Variants in GSAP observed in about 807,000 individuals in gnomAD.
GSAP encodes gamma-secretase-activating protein.
In GSAP, 118 loss-of-function variants were observed where a neutral mutation model predicts 131.7. The observed-to-expected ratio is 0.90, with a 90% CI of 0.77 to 1.04. The LOEUF (loss-of-function observed/expected upper bound fraction) is 1.04. GSAP is among the 50% of genes least tolerant of loss of function. The pLI is 0.00. For synonymous variants in GSAP, 381 were observed against 363.4 expected (o/e 1.05, Z -0.55); for missense variants, 1,019 against 1,013.2 (o/e 1.01, Z -0.08).
intron 6 of GSAP, among the ~76,000 whole-genome samples, chr7:77,383,178 C>T (rs1298028253): frequency 6.6e-6 from 1 of 152,102 alleles, no homozygotes; most frequent in East Asian, 1.9e-4. Flanking sequence ...TAGAGCAAGA[C>T]TCTGTCTAAA....
chr7:77,403,585 G>A (rs1801752211), intron 3 of GSAP, among the ~76,000 whole-genome samples: 1 of 152,176 alleles, frequency 6.6e-6, no homozygotes, highest in African/African-American at 2.4e-5. Context: ...AATAAGGAAA[G>A]GGGTTCCTTG....
intron 12 of GSAP, among the ~76,000 whole-genome samples, chr7:77,366,968 TTTA>T (rs1304448062): frequency 3.3e-5 from 5 of 152,188 alleles, no homozygotes; most frequent in Non-Finnish European, 4.4e-5. Context: ...TCCTAGGTAT[TTTA>T]TTCTTTCTGT....
At chr7:77,376,532 T>C (rs931553825) in intron 10 of GSAP, among the ~76,000 whole-genome samples, 1 of 151,992 alleles carries the variant, frequency 6.6e-6, no homozygotes, top group African/African-American at 2.4e-5. Context: ...TCCCAGCCCT[T>C]TGGGAGGCCG....
At chr7:77,313,110 C>T (rs1225622349) in intron 28 of GSAP, among the ~76,000 whole-genome samples, 1 of 152,222 alleles carries the variant, frequency 6.6e-6, no homozygotes, top group Non-Finnish European at 1.5e-5. Flanking sequence ...AAATACAGGT[C>T]TAGAACCTTC....
intron 19 of GSAP, among the ~76,000 whole-genome samples, chr7:77,346,701 C>T (rs570491691): frequency 6.7e-6 from 1 of 149,646 alleles, no homozygotes; most frequent in Admixed American, 6.7e-5. Flanking sequence ...CAGAGTGAGA[C>T]CCTACCTCAA....
intron 18 of GSAP, among the ~76,000 whole-genome samples, chr7:77,352,238 T>C (rs2150847533): frequency 6.6e-6 from 1 of 152,372 alleles, no homozygotes; most frequent in Non-Finnish European, 1.5e-5. Flanking sequence ...TTTATTTTTC[T>C]AAGTACCTTT....
chr7:77,373,727 G>A (rs1227768160), intron 12 of GSAP, among the ~76,000 whole-genome samples: 2 of 152,222 alleles, frequency 1.3e-5, no homozygotes, highest in Non-Finnish European at 2.9e-5. Context: ...ACATCAGTAA[G>A]CCTGACACAG....
At chr7:77,315,047 G>A (rs1794823382) in intron 26 of GSAP, 1 of 152,658 alleles carries the variant, frequency 6.6e-6, no homozygotes, top group African/African-American at 2.4e-5. Flanking sequence ...GCATTCTCAA[G>A]CCTGTCTCAC....
chr7:77,326,215 C>A lies in GSAP; in HGVS notation c.1824G>T (p.Gly608=). The A allele has an allele frequency of 6.2e-7, 1 of 1,611,474 alleles. No individual in the cohort carries two copies. Among genetic ancestry groups the A allele is most frequent in the Non-Finnish European group, 8.5e-7 (1 of 1,178,128 alleles). The part of the protein sequence containing the change: ...EEDSHQRLLM[G]LMVSELKDHF... ...AAAGAACCCACGTACCACTTACCAG[C>A]CCCATGAGCAGCCGCTGGTGGCTGT... Residue 608 remains glycine, a synonymous_variant, in exon 23 of 31, where the codon GGG becomes GGT. Transcript: ENST00000257626.
chr7:77,318,048 G>C (rs899277672), intron 26 of GSAP, among the ~76,000 whole-genome samples: 6 of 152,158 alleles, frequency 3.9e-5, no homozygotes, highest in African/African-American at 1.4e-4. Flanking sequence ...ATGCTGTAGG[G>C]ATTCTTTAGG....
chr7:77,411,770 A>T (rs1803324305), intron 1 of GSAP, among the ~76,000 whole-genome samples: 2 of 152,268 alleles, frequency 1.3e-5, no homozygotes, highest in East Asian at 1.9e-4. Flanking sequence ...CAGATTCAAA[A>T]ATATATATAT....
chr7:77,314,229 G>T, intron 27 of GSAP, 141 bp downstream of exon 27: 1 of 757,338 alleles, frequency 1.3e-6, no homozygotes, highest in Admixed American at 2.5e-5. Context: ...ATTTCAAGAT[G>T]TAATGCAGCA....
intron 18 of GSAP, among the ~76,000 whole-genome samples, chr7:77,351,856 G>A (rs1792910057): frequency 6.6e-6 from 1 of 152,196 alleles, no homozygotes; most frequent in Non-Finnish European, 1.5e-5. Flanking sequence ...GTAAGGGAGG[G>A]AGCGGAGATG....
chr7:77,344,607 A>G (rs1383096313), intron 19 of GSAP, among the ~76,000 whole-genome samples: 1 of 152,106 alleles, frequency 6.6e-6, no homozygotes, highest in African/African-American at 2.4e-5. Flanking sequence ...GCTGGTTTAC[A>G]CTGTTGCTCC....
chr7:77,317,332 C>T (rs1161105648), intron 26 of GSAP, among the ~76,000 whole-genome samples: 2 of 133,322 alleles, frequency 1.5e-5, no homozygotes, highest in Non-Finnish European at 3.0e-5. Flanking sequence ...AATGAGAACA[C>T]TTGGACAAGG....
Position 77,387,073 on chromosome 7 carries a change from C to T in GSAP, c.456+287G>A, listed in dbSNP as rs555324978. Reference sequence around the variant, plus strand: ...ACTTAATCTGTCAACCATGCAAATACATTATATTGACCATTTTAAAGCTTA... The same window carrying T: ...ACTTAATCTGTCAACCATGCAAATATATTATATTGACCATTTTAAAGCTTA... On this transcript the variant is annotated intron_variant, in intron 6 of 30. Transcript: ENST00000257626. 7.4e-4 allele frequency among the ~76,000 whole-genome samples: 113 copies of T among 152,178 alleles called. 1 individual carries two copies. The highest frequency in any genetic ancestry group is 1.3e-3 in the Non-Finnish European group (91 of 68,042).
chr7:77,348,171 AAAAT>A (rs1465194440), intron 19 of GSAP, among the ~76,000 whole-genome samples: 1 of 152,170 alleles, frequency 6.6e-6, no homozygotes, highest in African/African-American at 2.4e-5. Flanking sequence ...CCCATCTCTA[AAAAT>A]AAATAAATAA....
At chr7:77,398,547 A>C (rs1336014825) in intron 3 of GSAP, among the ~76,000 whole-genome samples, 1 of 152,220 alleles carries the variant, frequency 6.6e-6, no homozygotes, top group African/African-American at 2.4e-5. Flanking sequence ...AGATTCAAAC[A>C]CTATCAAATA....
At chr7:77,338,620 C>T (rs1315913480) in intron 19 of GSAP, among the ~76,000 whole-genome samples, 1 of 152,082 alleles carries the variant, frequency 6.6e-6, no homozygotes, top group African/African-American at 2.4e-5. Context: ...GCCATGTGTT[C>T]GCTGTAACCT....
Sources: allele counts gnomAD v4.1 joint callset (sites outside exome capture counted in the v4.1 genomes callset), GRCh38; gene constraint gnomAD v4.1.1; transcripts MANE v1.5; gene names NCBI Gene and HGNC (gene_info 2026-07-23, HGNC 2026-07-21).